PPP2R2C: variants seen among roughly 807,000 people sequenced by gnomAD.
The protein encoded by PPP2R2C is protein phosphatase 2 regulatory subunit Bgamma, also known as protein phosphatase 2, regulatory subunit B, gamma.
Under a neutral mutation model 45.3 loss-of-function variants are expected in PPP2R2C, and 10 were observed. The ratio of observed to expected loss-of-function variants is 0.22; its 90% CI spans 0.14 to 0.37. PPP2R2C has a LOEUF of 0.37. Among genes scored for constraint, PPP2R2C ranks in the 10% least tolerant of loss-of-function variants. The probability of loss-of-function intolerance (pLI) is 1.00; values close to 1 mark genes in which losing one functional copy is unlikely to be tolerated. For missense variants in PPP2R2C, 308 were observed against 619.7 expected (o/e 0.50, Z 5.34); for synonymous variants, 257 against 245.4 (o/e 1.05, Z -0.44).
intron 1 of PPP2R2C, among the ~76,000 whole-genome samples, chr4:6,431,911 G>C (rs564280490): frequency 6.6e-6 from 1 of 152,112 alleles, no homozygotes; most frequent in Non-Finnish European, 1.5e-5. Context: ...GTCCAAGATC[G>C]AGGTGTAGAA....
chr4:6,561,927 A>G (rs1287064677), intron 1 of PPP2R2C, among the ~76,000 whole-genome samples: 3 of 152,208 alleles, frequency 2.0e-5, no homozygotes, highest in East Asian at 1.9e-4. Flanking sequence ...TCGACAGTCA[A>G]CAATTCCACA....
chr4:6,463,817 T>C (rs1368523360), intron 1 of PPP2R2C, among the ~76,000 whole-genome samples: 1 of 152,228 alleles, frequency 6.6e-6, no homozygotes, highest in African/African-American at 2.4e-5. Context: ...CACTGCCATC[T>C]ACCTGTGCCG....
intron 1 of PPP2R2C, among the ~76,000 whole-genome samples, chr4:6,405,102 C>T (rs1717707485): frequency 1.3e-5 from 2 of 152,228 alleles, no homozygotes; most frequent in South Asian, 4.1e-4. Flanking sequence ...CTATTAACGC[C>T]CTGTGCCCGA....
intron 1 of PPP2R2C, among the ~76,000 whole-genome samples, chr4:6,447,407 C>T (rs1173904556): frequency 6.6e-6 from 1 of 152,024 alleles, no homozygotes; most frequent in Non-Finnish European, 1.5e-5. Context: ...TTCTTCCCTG[C>T]GGAGGAAGAG....
chr4:6,494,370 T>C (rs561210587), intron 2 of PPP2R2C, among the ~76,000 whole-genome samples: 3 of 152,192 alleles, frequency 2.0e-5, no homozygotes, highest in South Asian at 2.1e-4. Flanking sequence ...TCTCCCCACA[T>C]TGGACCCTCT....
At chr4:6,359,123 A>G (rs1245816605) in intron 5 of PPP2R2C, among the ~76,000 whole-genome samples, 2 of 152,266 alleles carry the variant, frequency 1.3e-5, no homozygotes, top group Admixed American at 6.5e-5. Context: ...AGACTGGATT[A>G]AGAAAATGTG....
At chr4:6,527,652 G>C (rs1724261294) in intron 2 of PPP2R2C, among the ~76,000 whole-genome samples, 1 of 139,232 alleles carries the variant, frequency 7.2e-6, no homozygotes, top group Admixed American at 7.4e-5. Context: ...TGGAACTCCG[G>C]CCATTTCCAG....
chr4:6,481,354 C>G (rs1722341110), intron 2 of PPP2R2C, among the ~76,000 whole-genome samples: 1 of 152,188 alleles, frequency 6.6e-6, no homozygotes, highest in Admixed American at 6.5e-5. Context: ...AGGCAGTGAT[C>G]AAATTACATA....
At chr4:6,521,064 G>C (rs1364916237) in intron 2 of PPP2R2C, among the ~76,000 whole-genome samples, 1 of 152,184 alleles carries the variant, frequency 6.6e-6, no homozygotes, top group East Asian at 1.9e-4. Context: ...AATGCACAAG[G>C]CTTGGAAAGT....
rs1396323756 is a variant in PPP2R2C, at chr4:6,332,281, T to C, written c.960+1281A>G. 6.6e-6 allele frequency among the ~76,000 whole-genome samples: 1 copy of C among 152,138 alleles called. No individual in the cohort carries two copies. The highest frequency in any genetic ancestry group is 1.5e-5 in the Non-Finnish European group (1 of 68,014). ...GCAGGCTTGAGCCGGGCTTATCCTG[T>C]CCCTCTCCTAGTCTGGGGTCTCTGC... On this transcript the variant is annotated intron_variant, in intron 7 of 8. Coordinates refer to ENST00000382599, the MANE Select transcript of PPP2R2C (RefSeq NM_020416.4). The surrounding 1 kb of genome is among the most constrained non-coding windows in gnomAD (Gnocchi z 4.9).
At chr4:6,448,544 G>T (rs985954141) in intron 1 of PPP2R2C, among the ~76,000 whole-genome samples, 7 of 152,018 alleles carry the variant, frequency 4.6e-5, no homozygotes, top group African/African-American at 7.2e-5. Flanking sequence ...ACTGGCCGAG[G>T]GGTGAGGAGG....
chr4:6,442,885 G>A (rs1249976558), intron 1 of PPP2R2C, among the ~76,000 whole-genome samples: 4 of 152,238 alleles, frequency 2.6e-5, no homozygotes, highest in Non-Finnish European at 5.9e-5. Context: ...GCAGTGGGAC[G>A]CTCTGCGTGA....
intron 2 of PPP2R2C, among the ~76,000 whole-genome samples, chr4:6,482,582 T>C (rs1486102889): frequency 6.6e-6 from 1 of 152,264 alleles, no homozygotes; most frequent in Non-Finnish European, 1.5e-5. Flanking sequence ...GATTTCACTA[T>C]GTTGTCCTGT....
intron 2 of PPP2R2C, among the ~76,000 whole-genome samples, chr4:6,492,775 G>A (rs1722736792): frequency 6.6e-6 from 1 of 152,154 alleles, no homozygotes; most frequent in Non-Finnish European, 1.5e-5. Flanking sequence ...GAGACCTGGG[G>A]TTTGGAGAAC....
intron 1 of PPP2R2C, among the ~76,000 whole-genome samples, chr4:6,543,502 C>G (rs1170475102): frequency 6.6e-6 from 1 of 152,166 alleles, no homozygotes; most frequent in East Asian, 1.9e-4. Context: ...GTGGGCAGAT[C>G]ATGAGGTCAG....
At chr4:6,420,232 T>C (rs894796391) in intron 1 of PPP2R2C, among the ~76,000 whole-genome samples, 1 of 152,248 alleles carries the variant, frequency 6.6e-6, no homozygotes, top group African/African-American at 2.4e-5. Context: ...GACAGGAGGC[T>C]GGCACACAGC....
intron 2 of PPP2R2C, chr4:6,379,980 C>A (rs890998139): frequency 6.6e-6 from 1 of 152,522 alleles, no homozygotes; most frequent in African/African-American, 2.4e-5. Flanking sequence ...CCTTCTCCAC[C>A]TTCTCTTCTC....
chr4:6,491,674 G>A (rs746921701), intron 2 of PPP2R2C, among the ~76,000 whole-genome samples: 4 of 152,186 alleles, frequency 2.6e-5, no homozygotes, highest in Admixed American at 6.5e-5. Flanking sequence ...TGGATCATGC[G>A]GGCAGACTTC....
chr4:6,438,032 A>G (rs1411241346), intron 1 of PPP2R2C, among the ~76,000 whole-genome samples: 3 of 152,228 alleles, frequency 2.0e-5, no homozygotes, highest in African/African-American at 4.8e-5. Flanking sequence ...AGGGCAAAGA[A>G]GAGTGGTTTC....
Sources: allele counts gnomAD v4.1 joint callset (sites outside exome capture counted in the v4.1 genomes callset), GRCh38; gene constraint gnomAD v4.1.1; non-coding constraint Gnocchi (gnomAD v3.1); transcripts MANE v1.5; gene names NCBI Gene and HGNC (gene_info 2026-07-23, HGNC 2026-07-21).